NCOA4: variants seen among roughly 807,000 people sequenced by gnomAD.
NCOA4 encodes the protein 70 kDa AR-activator.
In NCOA4, 31 loss-of-function variants were observed where a neutral mutation model predicts 69.5. The ratio of observed to expected loss-of-function variants is 0.45; its 90% CI spans 0.34 to 0.60. The LOEUF (loss-of-function observed/expected upper bound fraction) is 0.60. Ranked by LOEUF, NCOA4 falls within the 20% of genes least tolerant of loss-of-function variation. The pLI is 0.02. For missense variants in NCOA4, 600 were observed against 719.2 expected (o/e 0.83, Z 1.90); for synonymous variants, 228 against 252.4 (o/e 0.90, Z 0.92).
rs1199296707 is a variant in NCOA4, at chr10:46,006,507, AAC to A, written c.*83_*84del. ...ACTAAGCTAATTGGTCAGACCCAGA[AAC>A]ACAAAGATTTGGCAAGCTGCAGTCA... On this transcript the variant is annotated 3_prime_UTR_variant, in exon 10 of 10. Coordinates refer to ENST00000581486, the MANE Select transcript of NCOA4 (RefSeq NM_001145263.2). 2.6e-6 allele frequency: 4 copies of A among 1,518,002 alleles called. No homozygotes were observed. The highest frequency in any genetic ancestry group is 1.4e-5 in the African/African-American group (1 of 72,984). The allele number at this position is 1,518,002 out of a possible 1,614,324, so 94.0% of individuals were successfully genotyped here.
At chr10:46,017,264 G>A (rs1391234392) in intron 1 of NCOA4, among the ~76,000 whole-genome samples, 1 of 152,036 alleles carries the variant, frequency 6.6e-6, no homozygotes, top group Admixed American at 6.6e-5. Context: ...ATATAACATA[G>A]GGCCGGGCAC....
chr10:46,008,721 A>G (rs1554920381), intron 9 of NCOA4, among the ~76,000 whole-genome samples: 1 of 152,066 alleles, frequency 6.6e-6, no homozygotes, highest in Admixed American at 6.5e-5. Flanking sequence ...TACTGTGGAT[A>G]AAATGCTATC....
At chr10:46,013,363 AG>A (rs1554922205) in intron 6 of NCOA4, among the ~76,000 whole-genome samples, 186 bp downstream of exon 6, 2 of 152,238 alleles carry the variant, frequency 1.3e-5, no homozygotes, top group African/African-American at 2.4e-5. Context: ...TCTGTTAATC[AG>A]CCCCGACAAG....
rs999644682 is a variant in NCOA4 at position 46,014,623 on chromosome 10, G to A, written c.372-71C>T. The A allele has an allele frequency of 2.4e-5, 27 of 1,132,032 alleles. No individual in the cohort carries two copies. The Middle Eastern group carries it at 9.5e-4, about 40-fold the overall frequency. 70.1% of individuals were successfully genotyped at this position (1,132,032 alleles called of 1,614,324 possible). A position where few individuals can be genotyped will look rare whatever the true frequency, so the allele number is the denominator to read the frequency against. On this transcript the variant is annotated intron_variant, in intron 4 of 9. Coordinates refer to ENST00000581486, the MANE Select transcript of NCOA4 (RefSeq NM_001145263.2). ...TTCATCAACTTCATCTAAAACAAAAGCCAAATTGTGAGTAATTTTAAATGA... is the reference window on the plus strand; with the variant it reads ...TTCATCAACTTCATCTAAAACAAAAACCAAATTGTGAGTAATTTTAAATGA...
rs1460368623 is a variant in NCOA4, at chr10:46,006,501, C to G, written c.*91G>C. 6.2e-5 allele frequency: 92 copies of G among 1,477,194 alleles called. No individual in the cohort carries two copies. The highest frequency in any genetic ancestry group is 8.4e-5 in the Non-Finnish European group (89 of 1,057,020). 91.5% of individuals were successfully genotyped at this position (1,477,194 alleles called of 1,614,324 possible). ...AGAAGAACTAAGCTAATTGGTCAGA[C>G]CCAGAAACACAAAGATTTGGCAAGC... On this transcript the variant is annotated 3_prime_UTR_variant, in exon 10 of 10. Coordinates refer to ENST00000581486, the MANE Select transcript of NCOA4 (RefSeq NM_001145263.2).
At chr10:46,022,826 A>C (rs1425235542) in intron 1 of NCOA4, among the ~76,000 whole-genome samples, 1 of 152,194 alleles carries the variant, frequency 6.6e-6, no homozygotes, top group Non-Finnish European at 1.5e-5. Flanking sequence ...CCTTAGCCCC[A>C]GCCCATTTTA....
intron 2 of NCOA4, 146 bp from the exon 3 acceptor site, chr10:46,015,412 G>T (rs72795895): frequency 0.045 from 30,561 of 685,430 alleles, 892 homozygotes; most frequent in Non-Finnish European, 0.052. Context: ...CATCTATGAA[G>T]TATCTCCCCA....
chr10:46,010,700 A>G lies in NCOA4; in HGVS notation c.1221T>C (p.Asn407=). ...ACTCTGCAAAGCTTGTGCAGGGCTC[A>G]TTGGCTCTGCACACCTCCTCTACCT... ...PCKVEEVCRA[N]EPCTSFAECV... Residue 407 remains asparagine (N), a synonymous_variant, in exon 8 of 10, where the codon AAT becomes AAC. Transcript: ENST00000581486. The G allele has an allele frequency of 6.2e-7, 1 of 1,614,070 alleles. No homozygotes were observed. The highest frequency in any genetic ancestry group is 1.1e-5 in the South Asian group (1 of 91,080).
intron 9 of NCOA4, among the ~76,000 whole-genome samples, chr10:46,007,062 T>A (rs1270543599): frequency 6.6e-6 from 1 of 152,126 alleles, no homozygotes; most frequent in Non-Finnish European, 1.5e-5. Context: ...AAAGCAAAGT[T>A]TTTTGTTGTT....
At chr10:46,019,184 TC>T (rs1429071155) in intron 1 of NCOA4, 3 of 271,734 alleles carry the variant, frequency 1.1e-5, no homozygotes, top group Non-Finnish European at 1.7e-5. Context: ...TTCACAGAAA[TC>T]CCTGTGGAAA....
At position 46,010,331 on chromosome 10, in the gene NCOA4, G is replaced by A. The variant is rs1554920876; in HGVS notation, c.1590C>T (p.Ser530=). The change falls in exon 8 of 10, where the codon TCC becomes TCT. Residue 530 remains serine, a synonymous_variant. Transcript: ENST00000581486. ...KQKFKSPMNT[S]WCSFNTADWV... is the part of the protein sequence containing the mutation. ...AGTCAGCTGTGTTAAAGGAACACCA[G>A]GAAGTATTCATGGGGCTTTTAAACT... 7 of 1,614,068 alleles carry A rather than the reference G, an allele frequency of 4.3e-6. No individual in the cohort carries two copies. In the African/African-American group the frequency reaches 6.7e-5, roughly 15 times the overall value.
In NCOA4 at chr10:46,009,511, A is replaced by C; in HGVS notation, c.1739T>G (p.Phe580Cys). ...AGGGAGGCCATAATGGTCTGGGGGGAAGTTATGTTCCTCCTGTAGAGGTGA... is the reference window on the plus strand; with the variant it reads ...AGGGAGGCCATAATGGTCTGGGGGGCAGTTATGTTCCTCCTGTAGAGGTGA... ...LNSPLQEEHN[F>C]PPDHYGLPAV... The change falls in exon 9 of 10, where the codon TTC becomes TGC. Residue 580 changes from phenylalanine to cysteine, a missense_variant. Phe to Cys is a radical substitution (Grantham distance 205). Coordinates refer to ENST00000581486, the MANE Select transcript of NCOA4 (RefSeq NM_001145263.2). 1.2e-6 allele frequency: 2 copies of C among 1,610,938 alleles called. No homozygotes were observed. The highest frequency in any genetic ancestry group is 1.7e-6 in the Non-Finnish European group (2 of 1,179,014).
Position 46,016,711 on chromosome 10 carries a change from T to A in NCOA4, c.-14-17A>T, listed in dbSNP as rs367601431. ...TCACTGCTCCTTTAAAAGAAAAAAA[T>A]ATATATAAATAGCACCATAATTACA... On this transcript the variant is annotated splice_polypyrimidine_tract_variant and intron_variant, in intron 1 of 9. Coordinates refer to ENST00000581486, the MANE Select transcript of NCOA4 (RefSeq NM_001145263.2). 52 of 1,385,668 alleles carry A rather than the reference T, an allele frequency of 3.8e-5. No homozygotes were observed. Among genetic ancestry groups the A allele is most frequent in the African/African-American group, 1.6e-4 (11 of 68,546 alleles). The allele number at this position is 1,385,668 out of a possible 1,614,324, so 85.8% of individuals were successfully genotyped here.
chr10:46,005,911 T>A lies in NCOA4; in HGVS notation c.*681A>T, dbSNP rs1554919518. The A allele has an allele frequency of 4.8e-6, 1 of 207,906 alleles. No homozygotes were observed. Among genetic ancestry groups the A allele is most frequent in the African/African-American group, 2.3e-5 (1 of 43,944 alleles). 12.9% of individuals were successfully genotyped at this position (207,906 alleles called of 1,614,324 possible). A position where few individuals can be genotyped will look rare whatever the true frequency, so the allele number is the denominator to read the frequency against. Reference sequence around the variant, plus strand: ...AAAATAGTCTTGAAATAATACTGAGTCCTTCTAAAGAGCTCACTGGATATT... The same window carrying A: ...AAAATAGTCTTGAAATAATACTGAGACCTTCTAAAGAGCTCACTGGATATT... On this transcript the variant is annotated 3_prime_UTR_variant, in exon 10 of 10. Coordinates refer to ENST00000581486, the MANE Select transcript of NCOA4 (RefSeq NM_001145263.2).
At chr10:46,029,350 C>A (rs933543971) in intron 1 of NCOA4, among the ~76,000 whole-genome samples, 1 of 152,204 alleles carries the variant, frequency 6.6e-6, no homozygotes, top group Admixed American at 6.5e-5. Flanking sequence ...CTGAACAAAT[C>A]TGCAAGCTAG....
Position 46,010,804 on chromosome 10 carries a change from A to G in NCOA4, c.1117T>C (p.Leu373=), listed in dbSNP as rs782054071. 1.1e-5 allele frequency: 17 copies of G among 1,613,796 alleles called. No homozygotes were observed. In the South Asian group the frequency reaches 1.8e-4, roughly 17 times the overall value. The change falls in exon 8 of 10, where the codon TTG becomes CTG. Residue 373 remains leucine, a synonymous_variant. Transcript: ENST00000581486. ...LGNLKCLNDH[L]EAKKPLSTPS... Reference sequence around the variant, plus strand: ...GTGGACAATGGTTTCTTGGCCTCCAAGTGGTCATTCAGGCACTTCAGATTG... The same window carrying G: ...GTGGACAATGGTTTCTTGGCCTCCAGGTGGTCATTCAGGCACTTCAGATTG...
In NCOA4 at chr10:46,014,670, A is replaced by G. The variant is rs1032549503; in HGVS notation, c.372-118T>C. 32 of 831,446 alleles carry G rather than the reference A, an allele frequency of 3.8e-5. No individual in the cohort carries two copies. In the African/African-American group the frequency reaches 5.2e-4, roughly 13 times the overall value. The allele number at this position is 831,446 out of a possible 1,614,324, so 51.5% of individuals were successfully genotyped here. A position where few individuals can be genotyped will look rare whatever the true frequency, so the allele number is the denominator to read the frequency against. On this transcript the variant is annotated intron_variant, in intron 4 of 9. Coordinates refer to ENST00000581486, the MANE Select transcript of NCOA4 (RefSeq NM_001145263.2). Reference sequence around the variant, plus strand: ...ATGATTACACTTCTCTAAGAAACTCAACCAAAGATAGATGGCTTATTCATG... The same window carrying G: ...ATGATTACACTTCTCTAAGAAACTCGACCAAAGATAGATGGCTTATTCATG...
intron 1 of NCOA4, chr10:46,019,580 C>T (rs1378812527): frequency 1.6e-5 from 15 of 939,126 alleles, no homozygotes; most frequent in East Asian, 1.2e-4. Flanking sequence ...TCCAGAATTC[C>T]GGAACATACG....
intron 5 of NCOA4, 70 bp downstream of exon 5, chr10:46,014,374 A>AT (rs1199409778): frequency 5.2e-5 from 60 of 1,150,218 alleles, no homozygotes; most frequent in South Asian, 8.1e-5. Flanking sequence ...ATTCATAGCA[A>AT]TTTTTTTTAA....
Sources: allele counts gnomAD v4.1 joint callset (sites outside exome capture counted in the v4.1 genomes callset), GRCh38; gene constraint gnomAD v4.1.1; transcripts MANE v1.5; gene names NCBI Gene and HGNC (gene_info 2026-07-23, HGNC 2026-07-21).